Variants in CHST15 observed in about 807,000 individuals in gnomAD.
CHST15 encodes B cell RAG associated protein (GALNAC4S-6ST).
Under a neutral mutation model 53.6 loss-of-function variants are expected in CHST15, and 30 were observed. The ratio of observed to expected loss-of-function variants is 0.56; its 90% CI spans 0.42 to 0.76. The LOEUF is 0.76. Among genes scored for constraint, CHST15 ranks in the 30% least tolerant of loss-of-function variants. The pLI is 0.00. For synonymous variants in CHST15, 296 were observed against 289.8 expected (o/e 1.02, Z -0.22); for missense variants, 627 against 740.5 (o/e 0.85, Z 1.78).
Position 124,044,676 on chromosome 10 carries a change from A to C in CHST15, c.790T>G (p.Cys264Gly), listed in dbSNP as rs1383291142. 2 of 1,613,546 alleles carry C rather than the reference A, an allele frequency of 1.2e-6. No individual in the cohort carries two copies. Among genetic ancestry groups the C allele is most frequent in the Non-Finnish European group, 1.7e-6 (2 of 1,179,814 alleles). The change falls in exon 3 of 8, where the codon TGC becomes GGC. Residue 264 changes from cysteine (C) to glycine (G), a missense_variant. By Grantham distance (159) the Cys-to-Gly change is radical. Around this residue, in one of 3 missense-constraint regions of CHST15, gnomAD observed 161 missense variants for 117.2 expected, o/e 1.37. Transcript: ENST00000435907. ...PHFYIIGQPK[C>G]GTTDLYDRLR... ...CGGTCATAGAGGTCTGTGGTCCCGCACTTGGGCTGCCCTATGATGTAGAAG... is the reference window on the plus strand; with the variant it reads ...CGGTCATAGAGGTCTGTGGTCCCGCCCTTGGGCTGCCCTATGATGTAGAAG...
At position 124,044,632 on chromosome 10, in the gene CHST15, C is replaced by G. The variant is rs146440479; in HGVS notation, c.834G>C (p.Glu278Asp). The G allele has an allele frequency of 3.8e-6, 6 of 1,595,334 alleles. No individual in the cohort carries two copies. Among genetic ancestry groups the G allele is most frequent in the South Asian group, 3.3e-5 (3 of 89,678 alleles). The change falls in exon 3 of 8, where the codon GAG becomes GAC. Residue 278 changes from glutamate (E) to aspartate (D), a missense_variant. By Grantham distance (45) the Glu-to-Asp change is conservative. This residue lies in a region of CHST15 where 161 missense variants were observed against 117.2 expected (regional missense o/e 1.37). Transcript: ENST00000435907. Reference sequence around the variant, plus strand: ...GCTCCTTGATGGCGGAGAACTTGACCTCAGGGTGCAGCCGCAGGCGGTCAT... The same window carrying G: ...GCTCCTTGATGGCGGAGAACTTGACGTCAGGGTGCAGCCGCAGGCGGTCAT... ...DLYDRLRLHP[E>D]VKFSAIKEPH...
At chr10:124,062,820 G>A (rs1948625924) in intron 1 of CHST15, among the ~76,000 whole-genome samples, 1 of 152,128 alleles carries the variant, frequency 6.6e-6, no homozygotes, top group African/African-American at 2.4e-5. Context: ...GTAAGAGGCA[G>A]GGCTGGACTT....
At position 124,008,357 on chromosome 10, in the gene CHST15, A is replaced by G. The variant is rs183094187; in HGVS notation, c.*1792T>C. The G allele has an allele frequency of 1.1e-3, 1,095 of 1,017,322 alleles. 2 individuals are homozygous for G. Among genetic ancestry groups the G allele is most frequent in the Middle Eastern group, 3.3e-3 (7 of 2,150 alleles). 63.0% of individuals were successfully genotyped at this position (1,017,322 alleles called of 1,614,324 possible). ...CACACGTGCGCGTACACACACACAC[A>G]CGCGCGCACTGTACTGCAAATAAAT... On this transcript the variant is annotated 3_prime_UTR_variant, in exon 8 of 8. Coordinates refer to ENST00000435907, the MANE Select transcript of CHST15 (RefSeq NM_001270764.2).
chr10:124,008,354 C>A lies in CHST15; in HGVS notation c.*1795G>T. Reference sequence around the variant, plus strand: ...ACCCACACGTGCGCGTACACACACACACACGCGCGCACTGTACTGCAAATA... The same window carrying A: ...ACCCACACGTGCGCGTACACACACAAACACGCGCGCACTGTACTGCAAATA... On this transcript the variant is annotated 3_prime_UTR_variant, in exon 8 of 8. Coordinates refer to ENST00000435907, the MANE Select transcript of CHST15 (RefSeq NM_001270764.2). 1.2e-5 allele frequency: 13 copies of A among 1,044,586 alleles called. No homozygotes were observed. Among genetic ancestry groups the A allele is most frequent in the Non-Finnish European group, 1.5e-5 (13 of 869,170 alleles). The allele number at this position is 1,044,586 out of a possible 1,614,324, so 64.7% of individuals were successfully genotyped here. A position where few individuals can be genotyped will look rare whatever the true frequency, so the allele number is the denominator to read the frequency against.
At chr10:124,031,730 C>T (rs911111168) in intron 5 of CHST15, among the ~76,000 whole-genome samples, 1 of 152,202 alleles carries the variant, frequency 6.6e-6, no homozygotes, top group Non-Finnish European at 1.5e-5. Context: ...TTGTCAAGCA[C>T]TGTTTAAACA....
intron 5 of CHST15, among the ~76,000 whole-genome samples, chr10:124,031,468 G>C (rs558686664): frequency 6.6e-6 from 1 of 152,204 alleles, no homozygotes; most frequent in Admixed American, 6.5e-5. Flanking sequence ...TATGCTGTCA[G>C]CCTGTACCGC....
chr10:124,010,570 C>T (rs1590168237), intron 7 of CHST15: 2 of 985,412 alleles, frequency 2.0e-6, no homozygotes, highest in Non-Finnish European at 2.4e-6. Flanking sequence ...GGATGCCCAC[C>T]CTCGGGGGAG....
At chr10:124,066,130 A>AAAATGAGTG in intron 1 of CHST15, among the ~76,000 whole-genome samples, 1 of 152,272 alleles carries the variant, frequency 6.6e-6, no homozygotes, top group South Asian at 2.1e-4. Context: ...CCTATCTAAT[A>AAAATGAGTG]AAATGAGTGC....
At position 124,044,634 on chromosome 10, in the gene CHST15, C is replaced by A. The variant is rs770538087; in HGVS notation, c.832G>T (p.Glu278Ter). ...DLYDRLRLHP[E>*]VKFSAIKEPH... Reference sequence around the variant, plus strand: ...TCCTTGATGGCGGAGAACTTGACCTCAGGGTGCAGCCGCAGGCGGTCATAG... The same window carrying A: ...TCCTTGATGGCGGAGAACTTGACCTAAGGGTGCAGCCGCAGGCGGTCATAG... The change falls in exon 3 of 8, where the codon GAG (glutamate) becomes TAG (stop). Residue 278 changes from glutamate (E) to a stop codon, truncating the protein, a stop_gained. Transcript: ENST00000435907. LOFTEE classifies it high-confidence loss of function. 2 of 1,596,654 alleles carry A rather than the reference C, an allele frequency of 1.3e-6. No individual in the cohort carries two copies. The highest frequency in any genetic ancestry group is 2.3e-5 in the East Asian group (1 of 43,756).
In CHST15 at chr10:124,039,058, T is replaced by C. The variant is rs140277072; in HGVS notation, c.1034-387A>G. Among the ~76,000 whole-genome samples, 1,179 of 152,224 alleles carry C rather than the reference T, an allele frequency of 7.7e-3. 15 individuals are homozygous for C. Among genetic ancestry groups the C allele is most frequent in the African/African-American group, 0.027 (1,103 of 41,530 alleles). On this transcript the variant is annotated intron_variant, in intron 4 of 7. Transcript: ENST00000435907. ...TGGCATTTTAAGGGCCCACTGAGAA[T>C]GCAGTCTGTCAGAAAAACACGCCAA...
Position 124,074,573 on chromosome 10 carries a change from C to T in CHST15, c.-513+18896G>A, listed in dbSNP as rs369088024. On this transcript the variant is annotated intron_variant, in intron 1 of 7. Coordinates refer to ENST00000435907, the MANE Select transcript of CHST15 (RefSeq NM_001270764.2). This position sits in a 1 kb window ranked among gnomAD's most constrained non-coding sequence, Gnocchi z 4.4. Reference sequence around the variant, plus strand: ...TCCCCCTGCACACCCAACACCTTCGCCACGTCTGCAGTCTCTGCCTCCTCT... The same window carrying T: ...TCCCCCTGCACACCCAACACCTTCGTCACGTCTGCAGTCTCTGCCTCCTCT... Among the ~76,000 whole-genome samples, 9 of 152,256 alleles carry T rather than the reference C, an allele frequency of 5.9e-5. No individual in the cohort carries two copies. The East Asian group carries it at 1.7e-3, about 29-fold the overall frequency.
intron 5 of CHST15, among the ~76,000 whole-genome samples, 190 bp downstream of exon 5, chr10:124,038,325 T>C (rs1210186121): frequency 2.6e-5 from 4 of 152,076 alleles, no homozygotes; most frequent in African/African-American, 7.2e-5. Flanking sequence ...AGGCTGGTCT[T>C]GAACTCCTGA....
chr10:124,015,602 G>C (rs1007281233), intron 6 of CHST15, among the ~76,000 whole-genome samples: 2 of 151,998 alleles, frequency 1.3e-5, no homozygotes, highest in African/African-American at 4.8e-5. Context: ...CCCTACTAGG[G>C]ATTTCAGTTG....
At chr10:124,010,644 C>T in intron 7 of CHST15, 1 of 985,430 alleles carries the variant, frequency 1.0e-6, no homozygotes. Flanking sequence ...CTTCCAATTG[C>T]CCTTGGTGGG....
At chr10:124,063,114 G>A (rs1488651769) in intron 1 of CHST15, among the ~76,000 whole-genome samples, 1 of 152,138 alleles carries the variant, frequency 6.6e-6, no homozygotes, top group African/African-American at 2.4e-5. Context: ...TGGGCGCAGT[G>A]GCTCATGCCT....
At chr10:124,085,537 T>C (rs898813782) in intron 1 of CHST15, among the ~76,000 whole-genome samples, 1 of 152,224 alleles carries the variant, frequency 6.6e-6, no homozygotes, top group African/African-American at 2.4e-5. Flanking sequence ...ACCTAGCCTT[T>C]GGAAGAATCA....
intron 6 of CHST15, among the ~76,000 whole-genome samples, chr10:124,013,539 A>C (rs1194800701): frequency 6.6e-6 from 1 of 152,154 alleles, no homozygotes; most frequent in East Asian, 1.9e-4. Flanking sequence ...CCCTGTAATA[A>C]ATCATAACCA....
chr10:124,054,475 C>A (rs922871825), intron 1 of CHST15, among the ~76,000 whole-genome samples: 3 of 152,324 alleles, frequency 2.0e-5, no homozygotes, highest in African/African-American at 7.2e-5. Context: ...AATAAACAGG[C>A]ATTTCCCCAA....
chr10:124,053,028 G>C (rs1948254616), intron 1 of CHST15, among the ~76,000 whole-genome samples: 1 of 151,574 alleles, frequency 6.6e-6, no homozygotes, highest in Non-Finnish European at 1.5e-5. Flanking sequence ...TCAAGAGTCT[G>C]CCAAAAAAAA....
Sources: allele counts gnomAD v4.1 joint callset (sites outside exome capture counted in the v4.1 genomes callset), GRCh38; gene constraint gnomAD v4.1.1; regional missense constraint gnomAD v4.1.1; non-coding constraint Gnocchi (gnomAD v3.1); transcripts MANE v1.5; gene names NCBI Gene and HGNC (gene_info 2026-07-23, HGNC 2026-07-21).